SLC7A11: variants seen among roughly 807,000 people sequenced by gnomAD.
The protein encoded by SLC7A11 is cystine/glutamate transporter.
A neutral mutation model predicts 54.5 loss-of-function variants in SLC7A11; 35 were observed. The ratio of observed to expected loss-of-function variants is 0.64; its 90% CI spans 0.49 to 0.85. SLC7A11 has a LOEUF of 0.85. Ranked by LOEUF, SLC7A11 falls within the 40% of genes least tolerant of loss-of-function variation. SLC7A11 has a pLI of 0.00. For synonymous variants in SLC7A11, 230 were observed against 225.2 expected (o/e 1.02, Z -0.19); for missense variants, 583 against 618.1 (o/e 0.94, Z 0.60).
At chr4:138,206,958 G>A (rs891631723) in intron 6 of SLC7A11, among the ~76,000 whole-genome samples, 2 of 133,410 alleles carry the variant, frequency 1.5e-5, no homozygotes, top group Non-Finnish European at 3.1e-5. Context: ...ATTTAAAAAT[G>A]GATTAATCAA....
At chr4:138,209,146 G>A (rs920919008) in intron 6 of SLC7A11, among the ~76,000 whole-genome samples, 3 of 151,828 alleles carry the variant, frequency 2.0e-5, no homozygotes, top group African/African-American at 4.8e-5. Flanking sequence ...ATACACATTG[G>A]TATTTTCACT....
At chr4:138,221,922 T>C (rs751976987) in intron 4 of SLC7A11, among the ~76,000 whole-genome samples, 24 of 152,286 alleles carry the variant, frequency 1.6e-4, no homozygotes, top group Middle Eastern at 3.4e-3. Context: ...CTGAAGAAAC[T>C]CCTTACAGAA....
In SLC7A11 at chr4:138,229,597, T is replaced by C. The variant is rs77010879; in HGVS notation, c.520+2670A>G. Among the ~76,000 whole-genome samples the C allele has an allele frequency of 2.6e-5, 4 of 152,358 alleles. No homozygotes were observed. In the East Asian group the frequency reaches 5.8e-4, roughly 22 times the overall value. The stretch of plus-strand genomic sequence containing the variant: ...TAACTATTCCGTCACCAATGTCTAC[T>C]ACAGAGGTTTTGTAAACCCCAATAT... On this transcript the variant is annotated intron_variant, in intron 3 of 11. Coordinates refer to ENST00000280612, the MANE Select transcript of SLC7A11 (RefSeq NM_014331.4).
rs1174485370 is a variant in SLC7A11, at chr4:138,167,936, TATG to T, written c.*4017_*4019del. On this transcript the variant is annotated 3_prime_UTR_variant, in exon 12 of 12. Transcript: ENST00000280612. ...TATAGTTCAGAATCAACGTATAAAA[TATG>T]ATGAAAGTGAAACTATCTCCCTATA... is the stretch of plus-strand genomic sequence containing the variant. The T allele has an allele frequency of 3.3e-5, 5 of 152,190 alleles. No individual in the cohort carries two copies. The highest frequency in any genetic ancestry group is 7.4e-5 in the Non-Finnish European group (5 of 68,026). The allele number at this position is 152,190 out of a possible 1,614,324, so 9.4% of individuals were successfully genotyped here.
At chr4:138,239,118 G>A (rs1738313237) in intron 1 of SLC7A11, among the ~76,000 whole-genome samples, 2 of 152,160 alleles carry the variant, frequency 1.3e-5, no homozygotes, top group African/African-American at 4.8e-5. Context: ...ACTCTCCATG[G>A]GGAAACATTC....
intron 11 of SLC7A11, chr4:138,177,079 C>G (rs1039202166): frequency 1.3e-5 from 2 of 151,998 alleles, no homozygotes; most frequent in African/African-American, 4.8e-5. Flanking sequence ...AGTATAAGAT[C>G]TAAAGATGCA....
At position 138,194,698 on chromosome 4, in the gene SLC7A11, C is replaced by A. The variant is rs1315157092; in HGVS notation, c.792-9454G>T. Among the ~76,000 whole-genome samples the A allele has an allele frequency of 2.0e-5, 3 of 152,244 alleles. No individual in the cohort carries two copies. The East Asian group carries it at 5.8e-4, about 29-fold the overall frequency. ...GTTCTGTCTCTGATATTTGTATTCA[C>A]TTGATTTCACAGAATTATGGAAAAG... On this transcript the variant is annotated intron_variant, in intron 6 of 11. Transcript: ENST00000280612.
chr4:138,204,594 G>A (rs1737361949), intron 6 of SLC7A11, among the ~76,000 whole-genome samples: 1 of 151,928 alleles, frequency 6.6e-6, no homozygotes, highest in African/African-American at 2.4e-5. Context: ...TCGTAAAGGA[G>A]TTTCTTGGTA....
At chr4:138,216,109 T>C (rs1737674181) in intron 5 of SLC7A11, among the ~76,000 whole-genome samples, 2 of 152,194 alleles carry the variant, frequency 1.3e-5, no homozygotes, top group South Asian at 2.1e-4. Flanking sequence ...ATATTCTCTT[T>C]GGTTTACAAC....
chr4:138,198,291 G>A (rs1449308102), intron 6 of SLC7A11, among the ~76,000 whole-genome samples: 2 of 152,048 alleles, frequency 1.3e-5, no homozygotes, highest in Non-Finnish European at 2.9e-5. Context: ...TTTGTAAGCT[G>A]TGATCATAAA....
In SLC7A11 at chr4:138,179,266, A is replaced by C. The variant is rs565105913; in HGVS notation, c.1395T>G (p.Tyr465Ter). ...VITLTGVPAY[Y>*]LFIIWDKKPR... ...GTTTCTTGTCCCATATAATAAAGAGATAATACGCAGGGACTCCAGTCAGAG... is the reference window on the plus strand; with the variant it reads ...GTTTCTTGTCCCATATAATAAAGAGCTAATACGCAGGGACTCCAGTCAGAG... Residue 465 changes from tyrosine to a stop codon, truncating the protein, a stop_gained, in exon 11 of 12, where the codon TAT (tyrosine) becomes TAG (stop). Transcript: ENST00000280612. LOFTEE classifies it high-confidence loss of function. The C allele has an allele frequency of 1.2e-6, 2 of 1,612,540 alleles. No homozygotes were observed. Among genetic ancestry groups the C allele is most frequent in the Admixed American group, 3.3e-5 (2 of 59,918 alleles).
intron 6 of SLC7A11, among the ~76,000 whole-genome samples, chr4:138,206,697 A>G (rs1737415477): frequency 6.6e-6 from 1 of 151,858 alleles, no homozygotes; most frequent in African/African-American, 2.4e-5. Flanking sequence ...TGAACAAACT[A>G]TCTTTGGGCA....
chr4:138,196,834 AT>A (rs1192956550), intron 6 of SLC7A11, among the ~76,000 whole-genome samples: 5 of 151,836 alleles, frequency 3.3e-5, no homozygotes, highest in Admixed American at 6.6e-5. Context: ...TTATTTTTGT[AT>A]TTTTAGTAGA....
intron 3 of SLC7A11, among the ~76,000 whole-genome samples, chr4:138,229,353 T>A (rs1343786158): frequency 6.6e-6 from 1 of 152,210 alleles, no homozygotes; most frequent in Non-Finnish European, 1.5e-5. Flanking sequence ...TACAGACAGT[T>A]TGACTTTCCC....
intron 11 of SLC7A11, among the ~76,000 whole-genome samples, chr4:138,175,250 C>A (rs1198446511): frequency 4.6e-5 from 7 of 152,154 alleles, no homozygotes. Flanking sequence ...TCACTGTCCA[C>A]AAAGATGCAT....
intron 6 of SLC7A11, among the ~76,000 whole-genome samples, chr4:138,186,275 C>G (rs1335308288): frequency 6.6e-6 from 1 of 152,128 alleles, no homozygotes; most frequent in Non-Finnish European, 1.5e-5. Context: ...CCTCACGGAG[C>G]CTTCACCCTG....
Position 138,238,325 on chromosome 4 carries a change from ATTAAT to A in SLC7A11, c.278-1879_278-1875del, listed in dbSNP as rs372986733. Among the ~76,000 whole-genome samples the A allele has an allele frequency of 7.4e-4, 112 of 152,300 alleles. 1 individual carries two copies. The South Asian group carries it at 0.022, about 30-fold the overall frequency. ...CACCACATGAAATATAGCTATACTTATTAATTTGAGTAATTAACAAGAAAATTTAA... is the reference window on the plus strand; with the variant it reads ...CACCACATGAAATATAGCTATACTTATTGAGTAATTAACAAGAAAATTTAA... On this transcript the variant is annotated intron_variant, in intron 1 of 11. Transcript: ENST00000280612.
intron 11 of SLC7A11, among the ~76,000 whole-genome samples, chr4:138,173,845 A>G (rs917835450): frequency 6.6e-6 from 1 of 152,096 alleles, no homozygotes; most frequent in Non-Finnish European, 1.5e-5. Flanking sequence ...GGAGCACTCA[A>G]GAGCAATTAA....
At chr4:138,237,909 G>A (rs1488905233) in intron 1 of SLC7A11, among the ~76,000 whole-genome samples, 2 of 148,996 alleles carry the variant, frequency 1.3e-5, no homozygotes, top group African/African-American at 5.0e-5. Context: ...CTGCCAGCAC[G>A]CCTGGCTAAT....
Sources: allele counts gnomAD v4.1 joint callset (sites outside exome capture counted in the v4.1 genomes callset), GRCh38; gene constraint gnomAD v4.1.1; transcripts MANE v1.5; gene names NCBI Gene and HGNC (gene_info 2026-07-23, HGNC 2026-07-21).